The following CAMKK2 variants were observed in gnomAD, a reference collection of about 807,000 sequenced individuals.
The protein encoded by CAMKK2 is calcium/calmodulin-dependent protein kinase kinase 2.
In CAMKK2, 30 loss-of-function variants were observed where a neutral mutation model predicts 67.2. The ratio of observed to expected loss-of-function variants is 0.45; its 90% CI spans 0.33 to 0.61. The LOEUF is 0.61. CAMKK2 is among the 20% of genes least tolerant of loss of function. The probability of loss-of-function intolerance (pLI) is 0.02; values close to 1 mark genes in which losing one functional copy is unlikely to be tolerated. For synonymous variants in CAMKK2, 322 were observed against 326.2 expected, an observed-to-expected ratio of 0.99 and a Z score of 0.14; for missense variants, 643 against 802.0, an observed-to-expected ratio of 0.80 and a Z score of 2.39.
intron 1 of CAMKK2, among the ~76,000 whole-genome samples, chr12:121,279,015 G>A (rs868459975): frequency 2.0e-5 from 3 of 152,222 alleles, no homozygotes; most frequent in South Asian, 4.1e-4. Context: ...AGAAAATGAG[G>A]CTGAGCAGTG....
At position 121,245,710 on chromosome 12, in the gene CAMKK2, T is replaced by C. The variant is rs11830060; in HGVS notation, c.1453-470A>G. On this transcript the variant is annotated intron_variant, in intron 14 of 16. Transcript: ENST00000404169. The surrounding 1 kb of genome is among the most constrained non-coding windows in gnomAD (Gnocchi z 5.8). ...GGCCTGAGGGCCCCATAAGAGTCAC[T>C]GGGCCCCTCACCCCACCCCAACCAG... 7.0e-3 allele frequency among the ~76,000 whole-genome samples: 1,065 copies of C among 152,332 alleles called. 11 individuals carry two copies. The highest frequency in any genetic ancestry group is 0.024 in the African/African-American group (1,004 of 41,586).
chr12:121,252,726 A>C lies in CAMKK2; in HGVS notation c.1108-12T>G. The stretch of plus-strand genomic sequence containing the variant: ...CAAACATCCAAGGCCTGCAAGAAAA[A>C]GAGCTTAGTGTGAGGGCATAAGGGG... On this transcript the variant is annotated splice_polypyrimidine_tract_variant and intron_variant, in intron 10 of 16. Transcript: ENST00000404169. 2 of 1,614,078 alleles carry C rather than the reference A, an allele frequency of 1.2e-6. No homozygotes were observed. The highest frequency in any genetic ancestry group is 8.5e-7 in the Non-Finnish European group (1 of 1,179,940).
At chr12:121,259,435 AG>A (rs1893006372) in intron 7 of CAMKK2, among the ~76,000 whole-genome samples, 1 of 152,224 alleles carries the variant, frequency 6.6e-6, no homozygotes, top group South Asian at 2.1e-4. Flanking sequence ...GAATGAACAA[AG>A]GCACGCCTCA....
intron 9 of CAMKK2, among the ~76,000 whole-genome samples, chr12:121,255,303 TTTATATATAATTTTATATATATATAA>T (rs1891869426): frequency 8.7e-5 from 2 of 23,058 alleles, no homozygotes; most frequent in South Asian, 1.1e-3. Flanking sequence ...TATATATAAT[TTTATATATAATTTTATATATATATAA>T]TTATATATAA....
At chr12:121,289,953 A>G (rs940972057) in intron 1 of CAMKK2, among the ~76,000 whole-genome samples, 4 of 151,574 alleles carry the variant, frequency 2.6e-5, no homozygotes, top group Non-Finnish European at 5.9e-5. Flanking sequence ...CCTCAGGAAG[A>G]GAAGGTACAT....
rs61224908 is a variant in CAMKK2, at chr12:121,276,355, C to G, written c.-59-1770G>C. Among the ~76,000 whole-genome samples, 1,394 of 152,008 alleles carry G rather than the reference C, an allele frequency of 9.2e-3. 14 individuals carry two copies. The highest frequency in any genetic ancestry group is 0.032 in the African/African-American group (1,311 of 41,448). On this transcript the variant is annotated intron_variant, in intron 1 of 16. Transcript: ENST00000404169. ...TGGTGGTGGGCACCTGTAATCCCAG[C>G]TACTCGGGAGGCTGAGGCAGGAGAA... is the stretch of plus-strand genomic sequence containing the variant.
rs113957817 is a variant in CAMKK2 at position 121,287,246 on chromosome 12, A to T, written c.-60+9392T>A. ...TAAAACGAAATCTCTTAAATCTCTA[A>T]TCCTGCCGTGCTAACTCTTCATCTT... On this transcript the variant is annotated intron_variant, in intron 1 of 16. Coordinates refer to ENST00000404169, the MANE Select transcript of CAMKK2 (RefSeq NM_001270485.2). Among the ~76,000 whole-genome samples, 1,062 of 152,170 alleles carry T rather than the reference A, an allele frequency of 7.0e-3. 15 individuals are homozygous for T. Among genetic ancestry groups the T allele is most frequent in the African/African-American group, 0.024 (1,009 of 41,516 alleles).
At chr12:121,281,187 G>A (rs937181884) in intron 1 of CAMKK2, among the ~76,000 whole-genome samples, 6 of 152,206 alleles carry the variant, frequency 3.9e-5, no homozygotes, top group Non-Finnish European at 8.8e-5. Flanking sequence ...TGTGATTATC[G>A]GGGCAGGTCC....
chr12:121,262,238 T>G (rs968475019), intron 6 of CAMKK2, among the ~76,000 whole-genome samples: 3 of 152,134 alleles, frequency 2.0e-5, no homozygotes, highest in Non-Finnish European at 4.4e-5. Context: ...CTCGGCCGGG[T>G]GCAGTGGCTC....
intron 1 of CAMKK2, among the ~76,000 whole-genome samples, chr12:121,288,967 T>A (rs185913620): frequency 8.7e-4 from 133 of 152,258 alleles, no homozygotes; most frequent in African/African-American, 3.0e-3. Context: ...TCAGAATTGT[T>A]CATCTTTTCC....
At chr12:121,289,917 G>A (rs957798895) in intron 1 of CAMKK2, among the ~76,000 whole-genome samples, 1 of 136,654 alleles carries the variant, frequency 7.3e-6, no homozygotes, top group African/African-American at 3.4e-5. Context: ...AAAAAGGCGG[G>A]GCGGGGAGCC....
intron 1 of CAMKK2, among the ~76,000 whole-genome samples, chr12:121,290,679 G>A (rs1899817023): frequency 6.6e-6 from 1 of 152,166 alleles, no homozygotes; most frequent in Non-Finnish European, 1.5e-5. Context: ...GAGTGAGTGA[G>A]ATCCCATCTC....
rs942299894 is a variant in CAMKK2, at chr12:121,296,200, C to T, written c.-60+438G>A. Among the ~76,000 whole-genome samples the T allele has an allele frequency of 6.6e-6, 1 of 152,096 alleles. No individual in the cohort carries two copies. The highest frequency in any genetic ancestry group is 1.5e-5 in the Non-Finnish European group (1 of 68,006). ...CTGGGTTTGCCCCGAGACAGGCAGG[C>T]TGCGGGGTGGGGGTGCTCCAAGTCC... On this transcript the variant is annotated intron_variant, in intron 1 of 16. Coordinates refer to ENST00000404169, the MANE Select transcript of CAMKK2 (RefSeq NM_001270485.2). This position sits in a 1 kb window ranked among gnomAD's most constrained non-coding sequence, Gnocchi z 7.1.
In CAMKK2 at chr12:121,245,289, G is replaced by A. The variant is rs748787260; in HGVS notation, c.1453-49C>T. The A allele has an allele frequency of 9.0e-6, 11 of 1,219,500 alleles. No individual in the cohort carries two copies. Among genetic ancestry groups the A allele is most frequent in the Non-Finnish European group, 1.3e-5 (11 of 841,674 alleles). The allele number at this position is 1,219,500 out of a possible 1,614,324, so 75.5% of individuals were successfully genotyped here. On this transcript the variant is annotated intron_variant, in intron 14 of 16. Coordinates refer to ENST00000404169, the MANE Select transcript of CAMKK2 (RefSeq NM_001270485.2). This position sits in a 1 kb window ranked among gnomAD's most constrained non-coding sequence, Gnocchi z 5.8. ...TGGCAGGCAACTGCTTGGCCATGTGGGGGCGATTCTGGGCAACATCCTCCC... is the reference window on the plus strand; with the variant it reads ...TGGCAGGCAACTGCTTGGCCATGTGAGGGCGATTCTGGGCAACATCCTCCC...
chr12:121,296,114 C>A lies in CAMKK2; in HGVS notation c.-60+524G>T, dbSNP rs957662144. On this transcript the variant is annotated intron_variant, in intron 1 of 16. Transcript: ENST00000404169. This position sits in a 1 kb window ranked among gnomAD's most constrained non-coding sequence, Gnocchi z 7.1. ...GGCAGACCGAAGACAGCCAAAGGTCCCCTAGGTCCCCACAACTGCTGGCCT... is the reference window on the plus strand; with the variant it reads ...GGCAGACCGAAGACAGCCAAAGGTCACCTAGGTCCCCACAACTGCTGGCCT... 2.0e-5 allele frequency among the ~76,000 whole-genome samples: 3 copies of A among 152,172 alleles called. No individual in the cohort carries two copies. Among genetic ancestry groups the A allele is most frequent in the Admixed American group, 6.5e-5 (1 of 15,280 alleles).
intron 3 of CAMKK2, 25 bp downstream of exon 3, chr12:121,270,873 C>A: frequency 1.2e-5 from 20 of 1,601,478 alleles, no homozygotes; most frequent in Non-Finnish European, 1.5e-5. Flanking sequence ...ATGCAGAAAG[C>A]CAGCCTAGCC....
chr12:121,246,528 G>C (rs1033832038), intron 14 of CAMKK2, among the ~76,000 whole-genome samples: 1 of 151,826 alleles, frequency 6.6e-6, no homozygotes, highest in Non-Finnish European at 1.5e-5. Flanking sequence ...CCTGGGCAAC[G>C]AGAGCAAAAC....
At chr12:121,257,480 T>A (rs527658568) in intron 7 of CAMKK2, among the ~76,000 whole-genome samples, 1 of 152,242 alleles carries the variant, frequency 6.6e-6, no homozygotes, top group East Asian at 1.9e-4. Context: ...ACTTCTGACA[T>A]CAGGTGATCC....
intron 1 of CAMKK2, among the ~76,000 whole-genome samples, chr12:121,287,430 A>T (rs80309158): frequency 6.6e-6 from 1 of 151,806 alleles, no homozygotes; most frequent in African/African-American, 2.4e-5. Flanking sequence ...ACCGAGACTC[A>T]GAGAAGTTGA....
Sources: gnomAD v4.1 joint callset for allele counts (sites outside exome capture counted in the v4.1 genomes callset) on GRCh38, gnomAD v4.1.1 for gene constraint, Gnocchi (gnomAD v3.1) non-coding constraint, MANE v1.5 for transcripts, NCBI Gene and HGNC (gene_info 2026-07-23, HGNC 2026-07-21) for gene names.